Variants in BCAS3 observed in about 807,000 individuals in gnomAD.
BCAS3 encodes the protein BCAS4/BCAS3 fusion.
Under a neutral mutation model 116.1 loss-of-function variants are expected in BCAS3, and 53 were observed. The ratio of observed to expected loss-of-function variants is 0.46; its 90% CI spans 0.37 to 0.57. The LOEUF (loss-of-function observed/expected upper bound fraction) is 0.57, where lower values mean the gene tolerates loss of function less well. BCAS3 is among the 20% of genes least tolerant of loss of function. BCAS3 has a pLI of 0.00. For missense variants in BCAS3, 917 were observed against 1,165.4 expected (o/e 0.79, Z 3.10); for synonymous variants, 391 against 408.2 (o/e 0.96, Z 0.51).
chr17:60,763,406 G>T (rs2043747889), intron 6 of BCAS3, among the ~76,000 whole-genome samples: 2 of 152,180 alleles, frequency 1.3e-5, no homozygotes, highest in African/African-American at 4.8e-5. Context: ...TTAGCATGAA[G>T]TGCTGTCGAA....
chr17:60,818,816 C>T (rs371774091), intron 7 of BCAS3, among the ~76,000 whole-genome samples: 1 of 152,084 alleles, frequency 6.6e-6, no homozygotes, highest in East Asian at 1.9e-4. Flanking sequence ...AAAGAAAGAG[C>T]TTTACATCTT....
chr17:61,038,342 A>C (rs985472706), intron 18 of BCAS3, among the ~76,000 whole-genome samples: 1 of 143,526 alleles, frequency 7.0e-6, no homozygotes, highest in African/African-American at 2.6e-5. Context: ...CAGTGGCGCG[A>C]TCTCAGCTCA....
In BCAS3 at chr17:61,039,141, C is replaced by T. The variant is rs913215669; in HGVS notation, c.1928+1087C>T. Among the ~76,000 whole-genome samples the T allele has an allele frequency of 3.3e-5, 5 of 152,234 alleles. No individual in the cohort carries two copies. The East Asian group carries it at 9.7e-4, about 29-fold the overall frequency. On this transcript the variant is annotated intron_variant, in intron 18 of 23. Transcript: ENST00000407086. The stretch of plus-strand genomic sequence containing the variant: ...TCAGACCTAGGCAGCAGCCAGTTTA[C>T]TTTCTTTCTCTATGGATTTTGCTAC...
intron 22 of BCAS3, among the ~76,000 whole-genome samples, chr17:61,150,860 G>T (rs116067824): frequency 8.0e-4 from 121 of 152,188 alleles, no homozygotes; most frequent in African/African-American, 2.7e-3. Context: ...TCATCATTTC[G>T]TTTCTCACTT....
chr17:61,163,210 G>A (rs932544786), intron 22 of BCAS3, among the ~76,000 whole-genome samples: 3 of 151,790 alleles, frequency 2.0e-5, no homozygotes, highest in African/African-American at 7.3e-5. Context: ...AGATCACGAG[G>A]TCAGGAGATC....
At chr17:60,870,266 G>A (rs897715113) in intron 8 of BCAS3, among the ~76,000 whole-genome samples, 1 of 152,114 alleles carries the variant, frequency 6.6e-6, no homozygotes, top group African/African-American at 2.4e-5. Flanking sequence ...GAGCTTATTC[G>A]GGAGCCCTAG....
Position 61,095,441 on chromosome 17 carries a change from T to C in BCAS3, c.2425+10877T>C, listed in dbSNP as rs2073905260. ...TATAGTACATATAAACCAAAGATCTTTGGGGTCCTGGGTTTTTTGTTGTTG... is the reference window on the plus strand; with the variant it reads ...TATAGTACATATAAACCAAAGATCTCTGGGGTCCTGGGTTTTTTGTTGTTG... On this transcript the variant is annotated intron_variant, in intron 22 of 23. Coordinates refer to ENST00000407086, the MANE Select transcript of BCAS3 (RefSeq NM_017679.5). The surrounding 1 kb of genome is among the most constrained non-coding windows in gnomAD (Gnocchi z 4.7). Among the ~76,000 whole-genome samples, 1 of 152,174 alleles carries C rather than the reference T, an allele frequency of 6.6e-6. No individual in the cohort carries two copies. The highest frequency in any genetic ancestry group is 2.1e-4 in the South Asian group (1 of 4,820).
In BCAS3 at chr17:61,043,397, T is replaced by C. The variant is rs2067706854; in HGVS notation, c.2029+2505T>C. Among the ~76,000 whole-genome samples, 5 of 151,952 alleles carry C rather than the reference T, an allele frequency of 3.3e-5. No homozygotes were observed. The South Asian group carries it at 1.0e-3, about 32-fold the overall frequency. On this transcript the variant is annotated intron_variant, in intron 19 of 23. Coordinates refer to ENST00000407086, the MANE Select transcript of BCAS3 (RefSeq NM_017679.5). ...AAGAGAGGGACAATTTGAAACTAAGTAGTTACTAATGATTCTGTGGTTTCT... is the reference window on the plus strand; with the variant it reads ...AAGAGAGGGACAATTTGAAACTAAGCAGTTACTAATGATTCTGTGGTTTCT...
rs1717827408 is a variant in BCAS3 at position 61,023,624 on chromosome 17, A to G, written c.1637+7723A>G. On this transcript the variant is annotated intron_variant, in intron 16 of 23. Transcript: ENST00000407086. This position sits in a 1 kb window ranked among gnomAD's most constrained non-coding sequence, Gnocchi z 4.8. ...CTAGTAAGATTGAAGACTTTGTGGC[A>G]CCATGTGGCATTCAACAAAATGAAT... Among the ~76,000 whole-genome samples, 1 of 152,266 alleles carries G rather than the reference A, an allele frequency of 6.6e-6. No individual in the cohort carries two copies.
chr17:60,781,130 T>C (rs141710805), intron 6 of BCAS3, among the ~76,000 whole-genome samples: 2,546 of 151,926 alleles, frequency 0.017, 70 homozygotes, highest in African/African-American at 0.059. Context: ...CCACCATGCC[T>C]GGCTAATTTT....
At chr17:61,067,273 G>GTGTGTGTGTA (rs1251223420) in intron 19 of BCAS3, among the ~76,000 whole-genome samples, 1 of 58,796 alleles carries the variant, frequency 1.7e-5, no homozygotes, top group African/African-American at 8.6e-5. Flanking sequence ...GTGTGTATGT[G>GTGTGTGTGTA]TATATATATA....
intron 6 of BCAS3, among the ~76,000 whole-genome samples, chr17:60,748,722 T>C (rs1180586404): frequency 6.6e-6 from 1 of 152,218 alleles, no homozygotes; most frequent in African/African-American, 2.4e-5. Context: ...GAAATATGTC[T>C]TGAAAATATC....
chr17:60,988,294 TGTCTG>T lies in BCAS3; in HGVS notation c.1222-1672_1222-1668del, dbSNP rs1200649817. On this transcript the variant is annotated intron_variant, in intron 14 of 23. Transcript: ENST00000407086. ...CCTCTAGTCTAGTCTAGTCTAGTCT[TGTCTG>T]GTCTTGTCTTTTCTTTTCTTTCCTT... Among the ~76,000 whole-genome samples the T allele has an allele frequency of 1.8e-3, 268 of 151,040 alleles. 2 individuals are homozygous for T. Among genetic ancestry groups the T allele is most frequent in the African/African-American group, 5.7e-3 (234 of 41,358 alleles).
At chr17:60,830,053 G>A (rs1014798926) in intron 7 of BCAS3, among the ~76,000 whole-genome samples, 1 of 151,982 alleles carries the variant, frequency 6.6e-6, no homozygotes, top group African/African-American at 2.4e-5. Flanking sequence ...GTGCAGTGGC[G>A]CGATCTTAGC....
At chr17:61,166,142 C>G (rs1484499139) in intron 22 of BCAS3, among the ~76,000 whole-genome samples, 3 of 152,134 alleles carry the variant, frequency 2.0e-5, no homozygotes, top group Non-Finnish European at 4.4e-5. Flanking sequence ...CAAAACAAAG[C>G]ACCTCTCCCA....
intron 22 of BCAS3, among the ~76,000 whole-genome samples, chr17:61,314,881 A>G (rs2054601260): frequency 6.6e-6 from 1 of 152,192 alleles, no homozygotes; most frequent in Non-Finnish European, 1.5e-5. Context: ...GGGAGTGGAT[A>G]ATGCTCTTTA....
chr17:61,188,111 A>T lies in BCAS3; in HGVS notation c.2425+103547A>T, dbSNP rs972494753. Among the ~76,000 whole-genome samples the T allele has an allele frequency of 6.6e-5, 10 of 152,196 alleles. No homozygotes were observed. The highest frequency in any genetic ancestry group is 5.9e-4 in the Admixed American group (9 of 15,270). Reference sequence around the variant, plus strand: ...TTCTCTGCTCTTGAACTTTTGAGGGAAAAACAAATACATGGCAGAATTGTA... The same window carrying T: ...TTCTCTGCTCTTGAACTTTTGAGGGTAAAACAAATACATGGCAGAATTGTA... On this transcript the variant is annotated intron_variant, in intron 22 of 23. Transcript: ENST00000407086. This position sits in a 1 kb window ranked among gnomAD's most constrained non-coding sequence, Gnocchi z 4.0.
chr17:61,385,149 C>T (rs1260511005), intron 23 of BCAS3, among the ~76,000 whole-genome samples: 1 of 152,238 alleles, frequency 6.6e-6, no homozygotes, highest in Non-Finnish European at 1.5e-5. Flanking sequence ...TCCTCAGCCA[C>T]GCTCTGGAAG....
At chr17:60,997,865 A>G (rs1360459646) in intron 15 of BCAS3, among the ~76,000 whole-genome samples, 1 of 152,164 alleles carries the variant, frequency 6.6e-6, no homozygotes, top group East Asian at 1.9e-4. Flanking sequence ...TTTAAATTTT[A>G]GATTAAGAGT....
Sources: gnomAD v4.1 joint callset for allele counts (sites outside exome capture counted in the v4.1 genomes callset) on GRCh38, gnomAD v4.1.1 for gene constraint, Gnocchi (gnomAD v3.1) non-coding constraint, MANE v1.5 for transcripts, NCBI Gene and HGNC (gene_info 2026-07-23, HGNC 2026-07-21) for gene names.